AMD1: variants seen among roughly 807,000 people sequenced by gnomAD.
The protein encoded by AMD1 is S-adenosylmethionine decarboxylase proenzyme.
In AMD1, 11 loss-of-function variants were observed where a neutral mutation model predicts 40.2. That is an observed-to-expected ratio of 0.27 (90% confidence interval 0.17 to 0.45). The LOEUF is 0.45. AMD1 is among the 20% of genes least tolerant of loss of function. The pLI, the probability that AMD1 is intolerant of heterozygous loss-of-function variation, is 1.00. For missense variants in AMD1, 257 were observed against 410.2 expected, an observed-to-expected ratio of 0.63 and a Z score of 3.23; for synonymous variants, 121 against 130.8, an observed-to-expected ratio of 0.93 and a Z score of 0.51.
At chr6:110,835,943 GC>G in the AMD1 span, among the ~76,000 whole-genome samples, 7 of 148,056 alleles carry the variant, frequency 4.7e-5, 2 homozygotes, top group South Asian at 1.3e-3. Flanking sequence ...GCCCAGAAAG[GC>G]TGAGGCTGCA....
intron 1 of AMD1, among the ~76,000 whole-genome samples, chr6:110,876,425 A>G (rs1438770447): frequency 6.6e-6 from 1 of 152,210 alleles, no homozygotes; most frequent in South Asian, 2.1e-4. Flanking sequence ...GTGTGGACCA[A>G]TGGGCGTTTT....
At chr6:110,814,834 C>CG in the AMD1 span, 1 of 825,072 alleles carries the variant, frequency 1.2e-6, no homozygotes, top group Non-Finnish European at 1.9e-6. Context: ...CGGGGCCGCG[C>CG]GGGGGAGGCG....
At chr6:110,889,406 AG>A (rs565011387) in intron 3 of AMD1, 1 of 152,640 alleles carries the variant, frequency 6.6e-6, no homozygotes, top group Non-Finnish European at 1.5e-5. Flanking sequence ...GTTTTTACCT[AG>A]GGTATAATTT....
chr6:110,856,593 A>G, the AMD1 span: 1 of 152,214 alleles, frequency 6.6e-6, no homozygotes, highest in Non-Finnish European at 1.5e-5. Context: ...GACAAGGTCT[A>G]ATGGTAAGTA....
rs1314002730 is a variant in AMD1, at chr6:110,874,950, A to T, written c.-156A>T. 3.0e-5 allele frequency: 18 copies of T among 597,288 alleles called. No homozygotes were observed. Among genetic ancestry groups the T allele is most frequent in the Non-Finnish European group, 4.6e-5 (16 of 345,936 alleles). 37.0% of individuals were successfully genotyped at this position (597,288 alleles called of 1,614,324 possible). On this transcript the variant is annotated 5_prime_UTR_variant, in exon 1 of 9. Transcript: ENST00000368885. ...GGAAAATTTTATTAGTCCTTTTTTTAAAAAAAGTTAATATAAAATTATAGC... is the reference window on the plus strand; with the variant it reads ...GGAAAATTTTATTAGTCCTTTTTTTTAAAAAAGTTAATATAAAATTATAGC...
the AMD1 span, among the ~76,000 whole-genome samples, chr6:110,868,029 T>C: frequency 6.6e-6 from 1 of 152,194 alleles, no homozygotes; most frequent in African/African-American, 2.4e-5. Flanking sequence ...CTGGCTACGT[T>C]GACCAGGCTG....
At chr6:110,850,313 G>A in the AMD1 span, among the ~76,000 whole-genome samples, 2 of 152,156 alleles carry the variant, frequency 1.3e-5, no homozygotes, top group African/African-American at 4.8e-5. Flanking sequence ...TAAACTCTTA[G>A]ACGTTGGGAA....
the AMD1 span, among the ~76,000 whole-genome samples, chr6:110,847,958 C>T: frequency 1.3e-5 from 2 of 151,676 alleles, no homozygotes; most frequent in African/African-American, 4.8e-5. Flanking sequence ...TTGTGATCCG[C>T]CTGCCTCAGC....
the AMD1 span, chr6:110,858,181 C>A: frequency 1.6e-6 from 1 of 626,560 alleles, no homozygotes; most frequent in South Asian, 1.7e-5. Flanking sequence ...GTCCCAGCCC[C>A]GCGCCTGCCA....
At chr6:110,848,185 A>G in the AMD1 span, among the ~76,000 whole-genome samples, 1 of 152,158 alleles carries the variant, frequency 6.6e-6, no homozygotes, top group East Asian at 1.9e-4. Flanking sequence ...AGGCTTTGAG[A>G]ATTCAAGAAC....
the AMD1 span, among the ~76,000 whole-genome samples, chr6:110,840,426 C>T: frequency 2.0e-5 from 3 of 152,090 alleles, no homozygotes; most frequent in African/African-American, 7.2e-5. Flanking sequence ...GTTCCAACAA[C>T]CCACTCTTTG....
chr6:110,836,012 C>CA, the AMD1 span, among the ~76,000 whole-genome samples: 4,168 of 59,832 alleles, frequency 0.07, 267 homozygotes, highest in African/African-American at 0.15. Flanking sequence ...GACCTTGACT[C>CA]AAAAAAAAAA....
the AMD1 span, chr6:110,858,159 C>T: frequency 5.0e-6 from 3 of 600,860 alleles, no homozygotes; most frequent in Non-Finnish European, 6.2e-6. Flanking sequence ...AAAAATATCC[C>T]TAGAGGAGTG....
the AMD1 span, among the ~76,000 whole-genome samples, chr6:110,839,608 G>A: frequency 1.3e-5 from 2 of 152,140 alleles, no homozygotes; most frequent in Non-Finnish European, 2.9e-5. Context: ...GGAACAGAGT[G>A]AGCCTCAATC....
the AMD1 span, among the ~76,000 whole-genome samples, chr6:110,817,793 C>T: frequency 2.0e-5 from 3 of 152,018 alleles, no homozygotes; most frequent in Non-Finnish European, 2.9e-5. Flanking sequence ...GTAGAATAGG[C>T]GGGGTTCTAA....
At chr6:110,819,971 A>G in the AMD1 span, among the ~76,000 whole-genome samples, 2 of 152,184 alleles carry the variant, frequency 1.3e-5, no homozygotes, top group Non-Finnish European at 2.9e-5. Flanking sequence ...CAGTTTACAA[A>G]TGCCATAGCA....
the AMD1 span, among the ~76,000 whole-genome samples, chr6:110,835,663 C>T: frequency 1.3e-5 from 2 of 151,930 alleles, no homozygotes; most frequent in African/African-American, 4.8e-5. Flanking sequence ...GTCAGGAGTT[C>T]GAGACCAGCC....
At chr6:110,858,184 G>A in the AMD1 span, 7 of 650,636 alleles carry the variant, frequency 1.1e-5, no homozygotes, top group African/African-American at 1.4e-4. Context: ...CCAGCCCCGC[G>A]CCTGCCAGGC....
At chr6:110,879,372 C>T (rs1785284497) in intron 1 of AMD1, among the ~76,000 whole-genome samples, 1 of 152,160 alleles carries the variant, frequency 6.6e-6, no homozygotes, top group Admixed American at 6.5e-5. Context: ...AATATTTCAA[C>T]TGTTGTTTAC....
Sources: gnomAD v4.1 joint callset for allele counts (sites outside exome capture counted in the v4.1 genomes callset) on GRCh38, gnomAD v4.1.1 for gene constraint, MANE v1.5 for transcripts, NCBI Gene and HGNC (gene_info 2026-07-23, HGNC 2026-07-21) for gene names.